GPD2: variants seen among roughly 807,000 people sequenced by gnomAD.
The protein encoded by GPD2 is glycerol-3-phosphate dehydrogenase, mitochondrial.
Under a neutral mutation model 82.4 loss-of-function variants are expected in GPD2, and 54 were observed. That is an observed-to-expected ratio of 0.66 (90% CI 0.53 to 0.82). GPD2 has a LOEUF of 0.82. GPD2 is among the 40% of genes least tolerant of loss of function. The probability of loss-of-function intolerance (pLI) is 0.00; values close to 1 mark genes in which losing one functional copy is unlikely to be tolerated. For synonymous variants in GPD2, 288 were observed against 306.1 expected (o/e 0.94, Z 0.62); for missense variants, 748 against 896.2 (o/e 0.83, Z 2.11).
the GPD2 span, among the ~76,000 whole-genome samples, chr2:156,416,599 G>C: frequency 6.7e-6 from 1 of 149,746 alleles, no homozygotes; most frequent in African/African-American, 2.5e-5. Context: ...CTGGGCTCAA[G>C]CAATGCTCCC....
chr2:156,558,916 G>A (rs543409597), intron 9 of GPD2, among the ~76,000 whole-genome samples: 7 of 151,530 alleles, frequency 4.6e-5, no homozygotes, highest in African/African-American at 1.2e-4. Context: ...GTGCCTGGCC[G>A]AAACATAAGG....
rs542950582 is a variant in GPD2 at position 156,493,926 on chromosome 2, A to ATGTGTGTGTGTGTGTGTG, written c.103-2102_103-2085dup. On this transcript the variant is annotated intron_variant, in intron 2 of 16. Transcript: ENST00000438166. ...TTCTATGTACTTGTTATATATATGT[A>ATGTGTGTGTGTGTGTGTG]TGTGTGTGTGTGTGTGTGTGTGTGT... Among the ~76,000 whole-genome samples the ATGTGTGTGTGTGTGTGTG allele has an allele frequency of 9.7e-3, 1,316 of 136,188 alleles. 26 individuals are homozygous for ATGTGTGTGTGTGTGTGTG. Among genetic ancestry groups the ATGTGTGTGTGTGTGTGTG allele is most frequent in the African/African-American group, 0.034 (1,252 of 37,048 alleles). The allele number at this position is 136,188 out of a possible 152,430, so 89.3% of individuals were successfully genotyped here.
chr2:156,525,576 C>T (rs1468577179), intron 6 of GPD2, among the ~76,000 whole-genome samples: 2 of 152,192 alleles, frequency 1.3e-5, no homozygotes, highest in East Asian at 1.9e-4. Flanking sequence ...TACAGTTCCA[C>T]TTCAAATTTA....
the GPD2 span, among the ~76,000 whole-genome samples, chr2:156,418,608 T>C: frequency 6.6e-6 from 1 of 152,104 alleles, no homozygotes; most frequent in South Asian, 2.1e-4. Flanking sequence ...CCTCTGAAGG[T>C]TCACTGGAAA....
upstream of GPD2, among the ~76,000 whole-genome samples, chr2:156,433,373 G>A (rs1386183263): frequency 2.0e-5 from 3 of 152,200 alleles, no homozygotes; most frequent in African/African-American, 4.8e-5. Context: ...TGCACTTGAC[G>A]GATCAGCTGG....
In GPD2 at chr2:156,579,684, A is replaced by G; in HGVS notation, c.1960-6A>G. ...CTGTATTATTCTATGCTTTTCTTTT[A>G]CTTAGAGTATCAATGTCCAAATGGA... On this transcript the variant is annotated splice_region_variant and splice_polypyrimidine_tract_variant and intron_variant, in intron 15 of 16. Transcript: ENST00000438166. 1 of 1,249,496 alleles carries G rather than the reference A, an allele frequency of 8.0e-7. No homozygotes were observed. The highest frequency in any genetic ancestry group is 1.2e-6 in the Non-Finnish European group (1 of 846,986). The allele number at this position is 1,249,496 out of a possible 1,614,324, so 77.4% of individuals were successfully genotyped here.
chr2:156,415,894 G>A, the GPD2 span, among the ~76,000 whole-genome samples: 2 of 141,836 alleles, frequency 1.4e-5, 1 homozygote, highest in African/African-American at 5.0e-5. Context: ...AGTGGCGGGC[G>A]CCTGTAATCC....
upstream of GPD2, among the ~76,000 whole-genome samples, chr2:156,432,447 CTTTATGTCTGAGTGAAACCATGAT>C (rs1336004086): frequency 6.6e-6 from 1 of 152,118 alleles, no homozygotes; most frequent in Non-Finnish European, 1.5e-5. Context: ...CTATTCCCAT[CTTTATGTCTGAGTGAAACCATGAT>C]TTAGCTCACA....
the GPD2 span, among the ~76,000 whole-genome samples, chr2:156,415,842 C>T: frequency 1.5e-4 from 23 of 151,492 alleles, no homozygotes; most frequent in East Asian, 1.2e-3. Context: ...GCAACAATAG[C>T]GAAAGTCCGT....
At chr2:156,567,041 T>C (rs1558965295) in intron 9 of GPD2, among the ~76,000 whole-genome samples, 1 of 152,094 alleles carries the variant, frequency 6.6e-6, no homozygotes, top group South Asian at 2.1e-4. Context: ...TTGAAGTCTT[T>C]CATTTTTTAA....
intron 1 of GPD2, among the ~76,000 whole-genome samples, chr2:156,443,203 T>C (rs532354347): frequency 6.6e-6 from 1 of 152,342 alleles, no homozygotes; most frequent in Non-Finnish European, 1.5e-5. Context: ...AAATGTCTTG[T>C]ATATTTTCTA....
intron 6 of GPD2, among the ~76,000 whole-genome samples, chr2:156,537,016 T>C (rs1172853534): frequency 1.3e-5 from 2 of 152,160 alleles, no homozygotes; most frequent in East Asian, 1.9e-4. Flanking sequence ...CAAACAGATA[T>C]GAGCAGAGTT....
chr2:156,427,180 C>T, the GPD2 span, among the ~76,000 whole-genome samples: 1 of 152,248 alleles, frequency 6.6e-6, no homozygotes, highest in Non-Finnish European at 1.5e-5. Context: ...CAGCTTTCAG[C>T]AGTCCAGACA....
chr2:156,483,671 G>T (rs1210239303), intron 2 of GPD2, among the ~76,000 whole-genome samples: 1 of 152,162 alleles, frequency 6.6e-6, no homozygotes, highest in East Asian at 1.9e-4. Flanking sequence ...CATAAGCATA[G>T]TATCTAAGAT....
chr2:156,521,293 G>A lies in GPD2; in HGVS notation c.661+7797G>A, dbSNP rs16840406. On this transcript the variant is annotated intron_variant, in intron 6 of 16. Coordinates refer to ENST00000438166, the MANE Select transcript of GPD2 (RefSeq NM_000408.5). ...AATTGTAAGCATTGCAATCATACTA[G>A]AAAGCTACTTTCCAAAGTATTGTAG... 1.9e-3 allele frequency among the ~76,000 whole-genome samples: 292 copies of A among 152,250 alleles called. 1 individual carries two copies. The highest frequency in any genetic ancestry group is 6.8e-3 in the African/African-American group (281 of 41,554).
At chr2:156,572,592 T>C (rs2105368747) in intron 13 of GPD2, among the ~76,000 whole-genome samples, 2 of 152,200 alleles carry the variant, frequency 1.3e-5, no homozygotes, top group South Asian at 4.2e-4. Flanking sequence ...TAAATTTGAG[T>C]TGATATTTAA....
rs1228992360 is a variant in GPD2, at chr2:156,585,794, T to C, written c.*2876T>C. ...TGTAATATTAAAGTCAATGATGCTA[T>C]AACTTGCGATGTTTGCATCATGTCA... On this transcript the variant is annotated 3_prime_UTR_variant, in exon 17 of 17. Coordinates refer to ENST00000438166, the MANE Select transcript of GPD2 (RefSeq NM_000408.5). 6.6e-6 allele frequency: 1 copy of C among 152,534 alleles called. No individual in the cohort carries two copies. The highest frequency in any genetic ancestry group is 6.6e-5 in the Admixed American group (1 of 15,250). 9.4% of individuals were successfully genotyped at this position (152,534 alleles called of 1,614,324 possible).
chr2:156,507,166 A>ACCGTGCCTGACAAATTTT (rs1339799331), intron 3 of GPD2, among the ~76,000 whole-genome samples: 1 of 151,856 alleles, frequency 6.6e-6, no homozygotes, highest in African/African-American at 2.4e-5. Flanking sequence ...GGCATGCACC[A>ACCGTGCCTGACAAATTTT]CCGTGCCTGA....
At chr2:156,580,425 CT>C (rs1306163356) in intron 16 of GPD2, among the ~76,000 whole-genome samples, 1 of 152,142 alleles carries the variant, frequency 6.6e-6, no homozygotes, top group East Asian at 1.9e-4. Flanking sequence ...TAACTTCAAA[CT>C]GGATGCTACA....
Sources: gnomAD v4.1 joint callset for allele counts (sites outside exome capture counted in the v4.1 genomes callset) on GRCh38, gnomAD v4.1.1 for gene constraint, MANE v1.5 for transcripts, NCBI Gene and HGNC (gene_info 2026-07-23, HGNC 2026-07-21) for gene names.